The following HS3ST5 variants were observed in gnomAD, a reference collection of about 807,000 sequenced individuals.
HS3ST5 encodes heparan sulfate glucosamine 3-O-sulfotransferase 5.
In HS3ST5, 10 loss-of-function variants were observed where a neutral mutation model predicts 25.4. The ratio of observed to expected loss-of-function variants is 0.39; its 90% CI spans 0.24 to 0.67. The LOEUF (loss-of-function observed/expected upper bound fraction) is 0.67. Ranked by LOEUF, HS3ST5 falls within the 30% of genes least tolerant of loss-of-function variation. The pLI is 0.44. For synonymous variants in HS3ST5, 170 were observed against 162.4 expected (o/e 1.05, Z -0.36); for missense variants, 324 against 420.7 (o/e 0.77, Z 2.01).
chr6:114,311,600 T>C (rs1428085098), intron 1 of HS3ST5, among the ~76,000 whole-genome samples: 1 of 141,276 alleles, frequency 7.1e-6, no homozygotes, highest in African/African-American at 2.6e-5. Context: ...TGGAGTGCTA[T>C]GGCACAATCT....
chr6:114,208,190 C>A (rs1178888760), intron 2 of HS3ST5, among the ~76,000 whole-genome samples: 1 of 152,120 alleles, frequency 6.6e-6, no homozygotes, highest in Non-Finnish European at 1.5e-5. Context: ...CTGGGGACAC[C>A]CCAATGTTTT....
rs144731897 is a variant in HS3ST5, at chr6:114,062,917, C to T, written c.-32-40G>A. The stretch of plus-strand genomic sequence containing the variant: ...CTCATCAGCAGCCATCTCTTAGAGG[C>T]TCTGTTGGTTGTCACAGAGCTAAGC... On this transcript the variant is annotated intron_variant, in intron 3 of 4. Coordinates refer to ENST00000312719, the MANE Select transcript of HS3ST5 (RefSeq NM_153612.4). 3,345 of 1,226,984 alleles carry T rather than the reference C, an allele frequency of 2.7e-3. 11 individuals carry two copies. Among genetic ancestry groups the T allele is most frequent in the Non-Finnish European group, 3.5e-3 (2,952 of 838,058 alleles). The allele number at this position is 1,226,984 out of a possible 1,614,324, so 76.0% of individuals were successfully genotyped here.
intron 2 of HS3ST5, among the ~76,000 whole-genome samples, chr6:114,183,915 G>C (rs1307268787): frequency 6.6e-6 from 1 of 152,144 alleles, no homozygotes; most frequent in Non-Finnish European, 1.5e-5. Context: ...GAAAATAAGT[G>C]AGCTTTGTTG....
chr6:114,226,146 A>T (rs984002438), intron 2 of HS3ST5, among the ~76,000 whole-genome samples: 1 of 151,996 alleles, frequency 6.6e-6, no homozygotes, highest in African/African-American at 2.4e-5. Flanking sequence ...ATATAACATT[A>T]TCCTCCAAAT....
intron 2 of HS3ST5, among the ~76,000 whole-genome samples, chr6:114,170,141 G>T (rs7766866): frequency 6.6e-6 from 1 of 151,840 alleles, no homozygotes; most frequent in Non-Finnish European, 1.5e-5. Flanking sequence ...AAATTTATCA[G>T]TTATTTATTC....
chr6:114,080,618 C>A (rs1774397456), intron 3 of HS3ST5, among the ~76,000 whole-genome samples: 1 of 152,168 alleles, frequency 6.6e-6, no homozygotes, highest in African/African-American at 2.4e-5. Flanking sequence ...AAAATGAAAC[C>A]ATGTTCTTTG....
intron 1 of HS3ST5, among the ~76,000 whole-genome samples, chr6:114,310,538 T>C (rs1002175875): frequency 6.6e-5 from 10 of 152,030 alleles, no homozygotes; most frequent in Admixed American, 2.0e-4. Flanking sequence ...TTTTTTTTTT[T>C]CCTGCTAGGA....
At chr6:114,148,886 T>G (rs925318789) in intron 3 of HS3ST5, among the ~76,000 whole-genome samples, 22 of 151,890 alleles carry the variant, frequency 1.4e-4, no homozygotes, top group African/African-American at 5.3e-4. Context: ...CTTAAAAAAT[T>G]TACAAGAAAA....
At chr6:114,323,097 C>CTT (rs770824608) in intron 1 of HS3ST5, among the ~76,000 whole-genome samples, 1 of 152,086 alleles carries the variant, frequency 6.6e-6, no homozygotes, top group East Asian at 1.9e-4. Context: ...AGAAATGAAT[C>CTT]TTTAAAGTCT....
At chr6:114,136,529 C>G (rs1777623230) in intron 3 of HS3ST5, among the ~76,000 whole-genome samples, 2 of 152,210 alleles carry the variant, frequency 1.3e-5, no homozygotes, top group Non-Finnish European at 2.9e-5. Flanking sequence ...CTAATACACC[C>G]TGTATCTCTC....
intron 3 of HS3ST5, among the ~76,000 whole-genome samples, chr6:114,133,007 T>C (rs1777417602): frequency 6.6e-6 from 1 of 152,208 alleles, no homozygotes. Flanking sequence ...GATTTCATCT[T>C]TCCCCCACTC....
At chr6:114,113,727 GTGT>G in intron 3 of HS3ST5, among the ~76,000 whole-genome samples, 1 of 151,890 alleles carries the variant, frequency 6.6e-6, no homozygotes, top group East Asian at 1.9e-4. Context: ...CTGGCATATA[GTGT>G]TTCAATAATT....
chr6:114,332,177 C>T (rs1486897088), intron 1 of HS3ST5, among the ~76,000 whole-genome samples: 2 of 152,056 alleles, frequency 1.3e-5, no homozygotes, highest in Non-Finnish European at 2.9e-5. Context: ...ATCATATTGA[C>T]AGATGGATGC....
At chr6:114,103,703 C>CTTTT (rs34593869) in intron 3 of HS3ST5, among the ~76,000 whole-genome samples, 5 of 128,772 alleles carry the variant, frequency 3.9e-5, no homozygotes, top group Non-Finnish European at 3.3e-5. Flanking sequence ...TTTTCTTCTT[C>CTTTT]TTTTTTTTTT....
At chr6:114,126,733 T>C (rs1777057456) in intron 3 of HS3ST5, among the ~76,000 whole-genome samples, 1 of 152,106 alleles carries the variant, frequency 6.6e-6, no homozygotes, top group African/African-American at 2.4e-5. Flanking sequence ...TTCTAGAGGA[T>C]TGGAGAACTC....
At chr6:114,058,266 A>G (rs1211029774) in intron 4 of HS3ST5, 76 bp from the exon 5 acceptor site, 1 of 1,081,530 alleles carries the variant, frequency 9.2e-7, no homozygotes, top group Non-Finnish European at 1.3e-6. Flanking sequence ...TCAGACCAAG[A>G]CTTTAAATGC....
intron 3 of HS3ST5, among the ~76,000 whole-genome samples, chr6:114,114,424 A>G (rs1004782128): frequency 1.3e-5 from 2 of 152,150 alleles, no homozygotes; most frequent in African/African-American, 2.4e-5. Flanking sequence ...TGGTAATGAC[A>G]TAAGAACTCT....
intron 1 of HS3ST5, among the ~76,000 whole-genome samples, chr6:114,335,479 A>T (rs529955418): frequency 1.3e-5 from 2 of 152,322 alleles, no homozygotes; most frequent in Admixed American, 6.5e-5. Flanking sequence ...TTTTCAACTC[A>T]TATCAGATAT....
At chr6:114,061,377 A>G (rs1467336018) in intron 4 of HS3ST5, among the ~76,000 whole-genome samples, 1 of 152,174 alleles carries the variant, frequency 6.6e-6, no homozygotes. Context: ...GTAGGTAACA[A>G]CTAGTGAGTG....
Sources: gnomAD v4.1 joint callset for allele counts (sites outside exome capture counted in the v4.1 genomes callset) on GRCh38, gnomAD v4.1.1 for gene constraint, MANE v1.5 for transcripts, NCBI Gene and HGNC (gene_info 2026-07-23, HGNC 2026-07-21) for gene names.